The following CSMD1 variants were observed in gnomAD, a reference collection of about 807,000 sequenced individuals.
The protein encoded by CSMD1 is CUB and Sushi multiple domains 1.
Under a neutral mutation model 417.5 loss-of-function variants are expected in CSMD1, and 213 were observed. The ratio of observed to expected loss-of-function variants is 0.51; its 90% CI spans 0.46 to 0.57. The LOEUF (loss-of-function observed/expected upper bound fraction) is 0.57, where lower values mean the gene tolerates loss of function less well. CSMD1 is among the 20% of genes least tolerant of loss of function. The pLI, the probability that CSMD1 is intolerant of heterozygous loss-of-function variation, is 0.00. For missense variants in CSMD1, 6,923 were observed against 4,529.7 expected, an observed-to-expected ratio of 1.53 and a Z score of -15.17; for synonymous variants, 2,862 against 1,736.8, an observed-to-expected ratio of 1.65 and a Z score of -16.11.
At chr8:4,457,757 G>A (rs1434340591) in intron 2 of CSMD1, among the ~76,000 whole-genome samples, 1 of 152,116 alleles carries the variant, frequency 6.6e-6, no homozygotes, top group Non-Finnish European at 1.5e-5. Context: ...AGCAGCATAG[G>A]ACACCTCTTC....
intron 2 of CSMD1, among the ~76,000 whole-genome samples, chr8:4,549,896 CAAAA>C (rs777040766): frequency 2.9e-4 from 26 of 88,634 alleles, no homozygotes; most frequent in African/African-American, 1.1e-3. Context: ...GACTTTGTCT[CAAAA>C]AAAAAAAAAA....
chr8:3,616,569 T>A (rs1802148870), intron 8 of CSMD1, 141 bp downstream of exon 8: 1 of 608,792 alleles, frequency 1.6e-6, no homozygotes. Flanking sequence ...AGACAAATTG[T>A]GATTACACAC....
chr8:4,063,496 C>G lies in CSMD1; in HGVS notation c.416-31397G>C, dbSNP rs75802681. On this transcript the variant is annotated intron_variant, in intron 3 of 69. Coordinates refer to ENST00000635120, the MANE Select transcript of CSMD1 (RefSeq NM_033225.6). ...TCTTATATGCGTCTATTAAATAAAA[C>G]AAAACAGAACTATTCTGTGTGCCAC... Among the ~76,000 whole-genome samples, 1,492 of 152,164 alleles carry G rather than the reference C, an allele frequency of 9.8e-3. 29 individuals are homozygous for G. The highest frequency in any genetic ancestry group is 0.035 in the African/African-American group (1,440 of 41,522).
At chr8:3,491,183 A>G (rs1444103070) in intron 11 of CSMD1, among the ~76,000 whole-genome samples, 1 of 152,156 alleles carries the variant, frequency 6.6e-6, no homozygotes, top group East Asian at 1.9e-4. Flanking sequence ...AAAGGGAACC[A>G]GGTAAAAAGC....
chr8:4,015,285 C>G (rs948572656), intron 4 of CSMD1, among the ~76,000 whole-genome samples: 2 of 152,132 alleles, frequency 1.3e-5, no homozygotes, highest in Non-Finnish European at 2.9e-5. Context: ...TTTTAAATAT[C>G]GCAGAATTTA....
At position 3,094,537 on chromosome 8, in the gene CSMD1, C is replaced by A. The variant is rs1353545079; in HGVS notation, c.7138+2312G>T. Reference sequence around the variant, plus strand: ...TATTCAAACTGGCATGTGCAGAAAACCAGCACGGCAGTAAAGGAAGGTATC... The same window carrying A: ...TATTCAAACTGGCATGTGCAGAAAAACAGCACGGCAGTAAAGGAAGGTATC... On this transcript the variant is annotated intron_variant, in intron 47 of 69. Transcript: ENST00000635120. 5.9e-5 allele frequency among the ~76,000 whole-genome samples: 9 copies of A among 152,046 alleles called. No homozygotes were observed. The East Asian group carries it at 1.4e-3, about 23-fold the overall frequency.
intron 15 of CSMD1, among the ~76,000 whole-genome samples, chr8:3,404,422 G>A (rs2116890163): frequency 6.6e-6 from 1 of 152,138 alleles, no homozygotes; most frequent in Admixed American, 6.6e-5. Context: ...AGGATGAGGT[G>A]GTGAAGGATC....
chr8:4,440,941 G>C (rs915372846), intron 2 of CSMD1, among the ~76,000 whole-genome samples: 4 of 150,724 alleles, frequency 2.7e-5, no homozygotes, highest in African/African-American at 7.3e-5. Context: ...AGGTTGCAGC[G>C]AGCCGAGATC....
Position 3,942,888 on chromosome 8 carries a change from A to G in CSMD1, c.818+55015T>C, listed in dbSNP as rs143835584. ...GTGATAATGTCATAAAATCAAATGA[A>G]TACATCATTGTGATACTTTTTTTTG... On this transcript the variant is annotated intron_variant, in intron 5 of 69. Transcript: ENST00000635120. Among the ~76,000 whole-genome samples the G allele has an allele frequency of 3.2e-3, 489 of 152,294 alleles. 4 individuals carry two copies. The highest frequency in any genetic ancestry group is 4.4e-3 in the Non-Finnish European group (300 of 68,018).
intron 2 of CSMD1, among the ~76,000 whole-genome samples, chr8:4,610,078 G>A (rs779435275): frequency 6.6e-6 from 1 of 151,376 alleles, no homozygotes; most frequent in African/African-American, 2.4e-5. Flanking sequence ...TTGCTATAAG[G>A]ATGCTCCCCT....
intron 5 of CSMD1, among the ~76,000 whole-genome samples, chr8:3,986,969 G>C (rs761218765): frequency 1.3e-5 from 2 of 152,100 alleles, no homozygotes; most frequent in African/African-American, 2.4e-5. Context: ...AGTTCAGGCT[G>C]TTCTTGAACT....
At chr8:3,434,181 T>C (rs1412139953) in intron 12 of CSMD1, among the ~76,000 whole-genome samples, 1 of 152,224 alleles carries the variant, frequency 6.6e-6, no homozygotes, top group African/African-American at 2.4e-5. Flanking sequence ...ATAGTAAATA[T>C]TCCTTAGAAC....
chr8:4,993,214 TA>T (rs1811568625), intron 1 of CSMD1, among the ~76,000 whole-genome samples: 1 of 152,046 alleles, frequency 6.6e-6, no homozygotes, highest in Admixed American at 6.5e-5. Flanking sequence ...AAAAAAATCG[TA>T]AGATTGGACT....
chr8:4,827,696 G>A (rs976766137), intron 1 of CSMD1, among the ~76,000 whole-genome samples: 1 of 151,954 alleles, frequency 6.6e-6, no homozygotes, highest in African/African-American at 2.4e-5. Context: ...CCATTGAGTA[G>A]GTTTTAATTA....
At chr8:4,342,220 T>A (rs775629228) in intron 3 of CSMD1, among the ~76,000 whole-genome samples, 6 of 11,448 alleles carry the variant, frequency 5.2e-4, no homozygotes, top group Non-Finnish European at 9.8e-4. Context: ...TGTGTGTGTG[T>A]GTGTGTGTGT....
At chr8:3,698,106 A>G (rs926951715) in intron 7 of CSMD1, among the ~76,000 whole-genome samples, 4 of 152,200 alleles carry the variant, frequency 2.6e-5, no homozygotes, top group African/African-American at 9.6e-5. Context: ...TTGATGAAAC[A>G]TCTTGTTTTG....
chr8:4,284,983 G>A (rs1311612816), intron 3 of CSMD1, among the ~76,000 whole-genome samples: 2 of 152,174 alleles, frequency 1.3e-5, no homozygotes, highest in Non-Finnish European at 2.9e-5. Context: ...GCCTCACCAT[G>A]CCTCGGTTCC....
intron 3 of CSMD1, among the ~76,000 whole-genome samples, chr8:4,341,979 A>G: frequency 6.6e-6 from 1 of 152,256 alleles, no homozygotes; most frequent in East Asian, 1.9e-4. Context: ...AAGAGACGAA[A>G]GTGGCCTTAT....
intron 5 of CSMD1, among the ~76,000 whole-genome samples, chr8:3,847,341 C>T (rs1275278946): frequency 6.6e-6 from 1 of 152,060 alleles, no homozygotes; most frequent in South Asian, 2.1e-4. Context: ...TAAAAGTGTT[C>T]CAAGTCAGAG....
Sources: gnomAD v4.1 joint callset for allele counts (sites outside exome capture counted in the v4.1 genomes callset) on GRCh38, gnomAD v4.1.1 for gene constraint, MANE v1.5 for transcripts, NCBI Gene and HGNC (gene_info 2026-07-23, HGNC 2026-07-21) for gene names.